The following PRR16 variants were observed in gnomAD, a reference collection of about 807,000 sequenced individuals.
The protein encoded by PRR16 is protein Largen.
Under a neutral mutation model 18.2 loss-of-function variants are expected in PRR16, and 6 were observed. That is an observed-to-expected ratio of 0.33 (90% CI 0.18 to 0.65). The LOEUF (loss-of-function observed/expected upper bound fraction) is 0.65, where lower values mean the gene tolerates loss of function less well. PRR16 is among the 30% of genes least tolerant of loss of function. The probability of loss-of-function intolerance (pLI) is 0.74; values close to 1 mark genes in which losing one functional copy is unlikely to be tolerated. For missense variants in PRR16, 412 were observed against 376.6 expected (o/e 1.09, Z -0.78); for synonymous variants, 151 against 147.8 (o/e 1.02, Z -0.16).
chr5:120,717,993 T>A, the PRR16 span, among the ~76,000 whole-genome samples: 1 of 152,160 alleles, frequency 6.6e-6, no homozygotes, highest in South Asian at 2.1e-4. Flanking sequence ...ATCTAAAAAT[T>A]TATTGTTAAT....
the PRR16 span, among the ~76,000 whole-genome samples, chr5:120,699,486 A>T: frequency 6.6e-6 from 1 of 152,200 alleles, no homozygotes; most frequent in East Asian, 1.9e-4. Context: ...AGTCTGGGCC[A>T]GGAACAACGG....
chr5:120,792,122 A>G, the PRR16 span, among the ~76,000 whole-genome samples: 2 of 151,628 alleles, frequency 1.3e-5, no homozygotes, highest in African/African-American at 2.4e-5. Flanking sequence ...AATATTTGAC[A>G]ATAAAATTAA....
intron 1 of PRR16, among the ~76,000 whole-genome samples, chr5:120,506,474 A>C (rs556805530): frequency 2.0e-5 from 3 of 152,256 alleles, no homozygotes; most frequent in African/African-American, 4.8e-5. Context: ...GTATTCAGCC[A>C]TGAATTATGG....
chr5:120,620,349 G>A (rs966776), intron 1 of PRR16, among the ~76,000 whole-genome samples: 148,992 of 152,254 alleles, frequency 0.98, 72,965 homozygotes, highest in East Asian at 1. Context: ...TTATGTTGCA[G>A]TGCTCCACAA....
chr5:120,755,225 A>T, the PRR16 span, among the ~76,000 whole-genome samples: 62 of 151,922 alleles, frequency 4.1e-4, no homozygotes, highest in Non-Finnish European at 2.9e-5. Context: ...AAAAAAAATA[A>T]AAAATAATAA....
the PRR16 span, among the ~76,000 whole-genome samples, chr5:120,752,860 TATATA>T: frequency 6.9e-3 from 1,055 of 152,044 alleles, 68 homozygotes; most frequent in East Asian, 0.16. Flanking sequence ...TTCAATAATG[TATATA>T]ATATATTTTC....
At chr5:120,530,272 TA>T (rs1561533086) in intron 1 of PRR16, among the ~76,000 whole-genome samples, 49 of 125,292 alleles carry the variant, frequency 3.9e-4, no homozygotes, top group African/African-American at 1.4e-3. Context: ...TATATATATA[TA>T]TATATATATA....
At chr5:120,762,906 CTTAGGT>C in the PRR16 span, among the ~76,000 whole-genome samples, 1 of 152,038 alleles carries the variant, frequency 6.6e-6, no homozygotes, top group Non-Finnish European at 1.5e-5. Context: ...AACTTGAGAT[CTTAGGT>C]TTAAGTCTTT....
chr5:120,473,896 T>A (rs1749352500), intron 1 of PRR16, among the ~76,000 whole-genome samples: 1 of 152,168 alleles, frequency 6.6e-6, no homozygotes, highest in African/African-American at 2.4e-5. Flanking sequence ...TTAAATAGGA[T>A]TGTTCAGAAT....
At chr5:120,762,918 TCTTTCATTCA>T in the PRR16 span, among the ~76,000 whole-genome samples, 5 of 152,186 alleles carry the variant, frequency 3.3e-5, no homozygotes, top group Non-Finnish European at 7.3e-5. Context: ...TAGGTTTAAG[TCTTTCATTCA>T]CTTTGAGTTG....
the PRR16 span, among the ~76,000 whole-genome samples, chr5:120,786,655 A>G: frequency 2.6e-5 from 4 of 151,050 alleles, no homozygotes; most frequent in African/African-American, 9.7e-5. Flanking sequence ...TAAAAATTTT[A>G]CCAAAATGCA....
At chr5:120,699,433 G>A in the PRR16 span, among the ~76,000 whole-genome samples, 6 of 152,158 alleles carry the variant, frequency 3.9e-5, no homozygotes, top group African/African-American at 1.4e-4. Context: ...ACAGTCATGG[G>A]GGTCAGGTGT....
At chr5:120,474,518 C>T (rs1412398495) in intron 1 of PRR16, among the ~76,000 whole-genome samples, 2 of 151,826 alleles carry the variant, frequency 1.3e-5, no homozygotes, top group Admixed American at 6.6e-5. Flanking sequence ...TGCTACCTAC[C>T]TTTTTCTTTC....
intron 1 of PRR16, among the ~76,000 whole-genome samples, chr5:120,490,207 A>C (rs1286653785): frequency 6.6e-6 from 1 of 152,074 alleles, no homozygotes; most frequent in Non-Finnish European, 1.5e-5. Flanking sequence ...CTGCCTTGCT[A>C]GATTGGGGAA....
intron 1 of PRR16, among the ~76,000 whole-genome samples, chr5:120,627,389 A>T (rs1164579062): frequency 6.6e-6 from 1 of 152,120 alleles, no homozygotes. Context: ...TTTAACAGTT[A>T]TATTACTATC....
chr5:120,729,843 A>G, the PRR16 span, among the ~76,000 whole-genome samples: 3 of 152,012 alleles, frequency 2.0e-5, no homozygotes, highest in African/African-American at 7.2e-5. Flanking sequence ...TAAGATGGGG[A>G]AAAGTTGTAC....
intron 1 of PRR16, among the ~76,000 whole-genome samples, chr5:120,484,489 ATATATAATATATAATTATATATTG>A (rs1461851533): frequency 6.9e-6 from 1 of 144,954 alleles, no homozygotes; most frequent in Non-Finnish European, 1.5e-5. Context: ...ATTAGATATG[ATATATAATATATAATTATATATTG>A]TATATATAAA....
the PRR16 span, among the ~76,000 whole-genome samples, chr5:120,704,439 A>C: frequency 1.3e-5 from 2 of 152,190 alleles, no homozygotes; most frequent in Non-Finnish European, 2.9e-5. Flanking sequence ...TTTGCACCAA[A>C]GAGAACATGA....
At chr5:120,511,912 T>G (rs879869542) in intron 1 of PRR16, among the ~76,000 whole-genome samples, 13 of 152,210 alleles carry the variant, frequency 8.5e-5, no homozygotes, top group Admixed American at 1.3e-4. Flanking sequence ...TCTAGGGGTC[T>G]TCTAGGAAAA....
Sources: allele counts gnomAD v4.1 joint callset (sites outside exome capture counted in the v4.1 genomes callset), GRCh38; gene constraint gnomAD v4.1.1; transcripts MANE v1.5; gene names NCBI Gene and HGNC (gene_info 2026-07-23, HGNC 2026-07-21).